The following TRIM44 variants were observed in gnomAD, a reference collection of about 807,000 sequenced individuals.
The protein encoded by TRIM44 is tripartite motif containing 44.
Under a neutral mutation model 37.4 loss-of-function variants are expected in TRIM44, and 13 were observed. The ratio of observed to expected loss-of-function variants is 0.35; its 90% confidence interval spans 0.23 to 0.55. The LOEUF (loss-of-function observed/expected upper bound fraction) is 0.55. Ranked by LOEUF, TRIM44 falls within the 20% of genes least tolerant of loss-of-function variation. The pLI is 0.89. For synonymous variants in TRIM44, 175 were observed against 157.2 expected (o/e 1.11, Z -0.85); for missense variants, 426 against 437.2 (o/e 0.97, Z 0.23).
chr11:35,783,313 G>A (rs1211360670), intron 4 of TRIM44, among the ~76,000 whole-genome samples: 1 of 152,170 alleles, frequency 6.6e-6, no homozygotes, highest in East Asian at 1.9e-4. Flanking sequence ...TGATCAAAAT[G>A]TTCTCCCTGT....
At chr11:35,694,963 C>A (rs945853946) in intron 2 of TRIM44, among the ~76,000 whole-genome samples, 1 of 152,062 alleles carries the variant, frequency 6.6e-6, no homozygotes, top group African/African-American at 2.4e-5. Flanking sequence ...AGTCCTCTTG[C>A]ATGGGGAGAG....
Position 35,816,851 on chromosome 11 carries a change from C to T in TRIM44, c.*10466C>T, listed in dbSNP as rs994337000. 1 of 152,254 alleles carries T rather than the reference C, an allele frequency of 6.6e-6. No homozygotes were observed. The highest frequency in any genetic ancestry group is 6.5e-5 in the Admixed American group (1 of 15,278). The allele number at this position is 152,254 out of a possible 1,614,324, so 9.4% of individuals were successfully genotyped here. On this transcript the variant is annotated 3_prime_UTR_variant, in exon 5 of 5. Coordinates refer to ENST00000299413, the MANE Select transcript of TRIM44 (RefSeq NM_017583.6). ...TAGCTTCTGACTGTTGTGCTGGAGT[C>T]CTGTTAGAGATTCAGTAGATGGAGC...
intron 2 of TRIM44, among the ~76,000 whole-genome samples, chr11:35,691,159 C>T (rs995755058): frequency 6.6e-6 from 1 of 152,170 alleles, no homozygotes; most frequent in African/African-American, 2.4e-5. Context: ...TTAGCCCTCG[C>T]TAAATGAAGA....
At chr11:35,794,728 G>C (rs1031388138) in intron 4 of TRIM44, among the ~76,000 whole-genome samples, 1 of 152,186 alleles carries the variant, frequency 6.6e-6, no homozygotes, top group Non-Finnish European at 1.5e-5. Flanking sequence ...CCAGCAAGTG[G>C]CCCATGGTTT....
intron 4 of TRIM44, among the ~76,000 whole-genome samples, chr11:35,765,588 T>C (rs1368801223): frequency 1.3e-5 from 2 of 152,196 alleles, no homozygotes; most frequent in Non-Finnish European, 2.9e-5. Context: ...ATTGCCTCAC[T>C]ATTTAAGTCC....
At chr11:35,752,984 G>T (rs765849608) in intron 4 of TRIM44, among the ~76,000 whole-genome samples, 45 of 152,150 alleles carry the variant, frequency 3.0e-4, no homozygotes, top group Admixed American at 3.9e-4. Flanking sequence ...TTTCACAACT[G>T]TATTCTCTAG....
chr11:35,716,836 G>A (rs943902250), intron 2 of TRIM44, among the ~76,000 whole-genome samples: 1 of 152,170 alleles, frequency 6.6e-6, no homozygotes, highest in Non-Finnish European at 1.5e-5. Context: ...AATCTGCTAC[G>A]TACTGTATGC....
chr11:35,708,490 TAG>T (rs1851918830), intron 2 of TRIM44, among the ~76,000 whole-genome samples: 1 of 151,830 alleles, frequency 6.6e-6, no homozygotes, highest in South Asian at 2.1e-4. Flanking sequence ...CTATTCACAA[TAG>T]CAAAGACTTG....
At chr11:35,733,667 A>G (rs534700643) in intron 3 of TRIM44, among the ~76,000 whole-genome samples, 1 of 152,228 alleles carries the variant, frequency 6.6e-6, no homozygotes, top group African/African-American at 2.4e-5. Context: ...TCAAATGGCT[A>G]GTTTGATTTA....
intron 4 of TRIM44, among the ~76,000 whole-genome samples, chr11:35,795,038 T>A (rs1220130849): frequency 6.6e-6 from 1 of 152,206 alleles, no homozygotes; most frequent in Non-Finnish European, 1.5e-5. Flanking sequence ...GACCTGAATG[T>A]TAATGAGTCA....
chr11:35,804,682 G>A (rs1488366319), intron 4 of TRIM44, among the ~76,000 whole-genome samples: 1 of 152,090 alleles, frequency 6.6e-6, no homozygotes, highest in East Asian at 1.9e-4. Context: ...TGTTCCCTTT[G>A]GGACAGATGC....
chr11:35,708,752 G>A (rs1293683120), intron 2 of TRIM44, among the ~76,000 whole-genome samples: 1 of 151,922 alleles, frequency 6.6e-6, no homozygotes, highest in East Asian at 1.9e-4. Context: ...CACACTCTGG[G>A]GACTGTTGTG....
At chr11:35,748,590 C>T (rs1298896851) in intron 4 of TRIM44, among the ~76,000 whole-genome samples, 1 of 152,130 alleles carries the variant, frequency 6.6e-6, no homozygotes, top group Non-Finnish European at 1.5e-5. Flanking sequence ...AAAATAGAAC[C>T]TATACTATTC....
chr11:35,792,111 A>ACACACACACACACACACACACTCTCTCT (rs796092540), intron 4 of TRIM44, among the ~76,000 whole-genome samples: 92 of 114,338 alleles, frequency 8.0e-4, no homozygotes, highest in Admixed American at 2.7e-3. Context: ...ACACACACAC[A>ACACACACACACACACACACACTCTCTCT]CTCTCTCTCA....
In TRIM44 at chr11:35,746,446, C is replaced by CTTTTTTTT. The variant is rs5791065; in HGVS notation, c.1007+11016_1007+11023dup. ...TTCCCAGCAGCTTCCGGGGGTCCTT[C>CTTTTTTTT]TTTTTTTTTTTTTTTTTTTTTTGTA... is the stretch of plus-strand genomic sequence containing the variant. On this transcript the variant is annotated intron_variant, in intron 4 of 4. Transcript: ENST00000299413. Among the ~76,000 whole-genome samples the CTTTTTTTT allele has an allele frequency of 1.4e-3, 129 of 93,168 alleles. 2 individuals are homozygous for CTTTTTTTT. The highest frequency in any genetic ancestry group is 3.6e-3 in the South Asian group (8 of 2,246). 61.1% of individuals were successfully genotyped at this position (93,168 alleles called of 152,430 possible). A position where few individuals can be genotyped will look rare whatever the true frequency, so the allele number is the denominator to read the frequency against.
intron 2 of TRIM44, among the ~76,000 whole-genome samples, chr11:35,710,473 C>T (rs1255796630): frequency 6.6e-6 from 1 of 151,830 alleles, no homozygotes; most frequent in East Asian, 1.9e-4. Flanking sequence ...AACATATATA[C>T]CTCGTGTGTG....
At chr11:35,776,221 C>T (rs1399184233) in intron 4 of TRIM44, among the ~76,000 whole-genome samples, 5 of 152,182 alleles carry the variant, frequency 3.3e-5, no homozygotes, top group Admixed American at 6.5e-5. Context: ...TTATGCATTT[C>T]TTCTAGATTT....
Position 35,792,111 on chromosome 11 carries a change from A to ACACACACACACACACACACACACACTCT in TRIM44, c.1008-14246_1008-14245insACACACACACACACACACACACACTCTC, listed in dbSNP as rs796092540. ...CACACACACACACACACACACACACACTCTCTCTCATCATTCTCTATTCCA... is the reference window on the plus strand; with the variant it reads ...CACACACACACACACACACACACACACACACACACACACACACACACACACTCTCTCTCTCTCATCATTCTCTATTCCA... On this transcript the variant is annotated intron_variant, in intron 4 of 4. Transcript: ENST00000299413. Among the ~76,000 whole-genome samples the ACACACACACACACACACACACACACTCT allele has an allele frequency of 4.9e-3, 556 of 114,136 alleles. 15 individuals are homozygous for ACACACACACACACACACACACACACTCT. The highest frequency in any genetic ancestry group is 0.021 in the Admixed American group (253 of 11,874). The allele number at this position is 114,136 out of a possible 152,430, so 74.9% of individuals were successfully genotyped here. A position where few individuals can be genotyped will look rare whatever the true frequency, so the allele number is the denominator to read the frequency against.
intron 2 of TRIM44, among the ~76,000 whole-genome samples, chr11:35,716,187 G>A (rs917603682): frequency 6.6e-6 from 1 of 152,180 alleles, no homozygotes; most frequent in African/African-American, 2.4e-5. Context: ...AGGGGCCAGA[G>A]CTGGGATTTG....
Sources: allele counts gnomAD v4.1 joint callset (sites outside exome capture counted in the v4.1 genomes callset), GRCh38; gene constraint gnomAD v4.1.1; transcripts MANE v1.5; gene names NCBI Gene and HGNC (gene_info 2026-07-23, HGNC 2026-07-21).